PCDHGA3: variants seen among roughly 807,000 people sequenced by gnomAD.
PCDHGA3 encodes the protein protocadherin gamma-A3.
In PCDHGA3, 40 loss-of-function variants were observed where a neutral mutation model predicts 58.5. That is an observed-to-expected ratio of 0.68 (90% CI 0.53 to 0.89). The LOEUF (loss-of-function observed/expected upper bound fraction) is 0.89. Among genes scored for constraint, PCDHGA3 ranks in the 40% least tolerant of loss-of-function variants. The probability of loss-of-function intolerance (pLI) is 0.00; values close to 1 mark genes in which losing one functional copy is unlikely to be tolerated. For missense variants in PCDHGA3, 1,223 were observed against 1,195.9 expected (o/e 1.02, Z -0.33); for synonymous variants, 530 against 525.7 (o/e 1.01, Z -0.11).
chr5:141,389,211 G>A, intron 1 of PCDHGA3: 2 of 1,614,058 alleles, frequency 1.2e-6, no homozygotes, highest in South Asian at 2.2e-5. Flanking sequence ...CATTGGTGAT[G>A]TAAATGACAA....
chr5:141,482,109 C>G (rs972542276), intron 1 of PCDHGA3, among the ~76,000 whole-genome samples: 2 of 149,582 alleles, frequency 1.3e-5, no homozygotes, highest in African/African-American at 2.5e-5. Context: ...AAAAAAATAT[C>G]TAGAGATGGG....
intron 1 of PCDHGA3, among the ~76,000 whole-genome samples, chr5:141,494,034 A>T (rs1206242414): frequency 1.3e-5 from 2 of 152,162 alleles, no homozygotes; most frequent in Non-Finnish European, 2.9e-5. Flanking sequence ...CTGGAGACTT[A>T]GTTGGCCCTG....
At chr5:141,422,566 A>G (rs2096656660) in intron 1 of PCDHGA3, 1 of 1,614,020 alleles carries the variant, frequency 6.2e-7, no homozygotes, top group Non-Finnish European at 8.5e-7. Flanking sequence ...GGCAGATGAC[A>G]ACGATAACCC....
At chr5:141,357,754 G>A in intron 1 of PCDHGA3, 1 of 1,082,694 alleles carries the variant, frequency 9.2e-7, no homozygotes, top group Non-Finnish European at 1.3e-6. Context: ...AAGAAAACTG[G>A]TGGATGACCT....
chr5:141,402,098 C>G (rs2094224797), intron 1 of PCDHGA3, among the ~76,000 whole-genome samples: 1 of 152,048 alleles, frequency 6.6e-6, no homozygotes, highest in Non-Finnish European at 1.5e-5. Context: ...AAAGTTTAAG[C>G]AATTACAAAA....
chr5:141,426,909 G>A (rs1293364217), intron 1 of PCDHGA3: 1 of 456,744 alleles, frequency 2.2e-6, no homozygotes, highest in Non-Finnish European at 4.4e-6. Flanking sequence ...TCATCTCCTG[G>A]TCCTGGAAGC....
rs1230103133 is a variant in PCDHGA3, at chr5:141,357,488, C to T, written c.2424+11031C>T. ...CACGAGGTCTCCCTCACCGCGGACT[C>T]GCGGAAGAGTCACCTGATCTTCTCC... On this transcript the variant is annotated intron_variant, in intron 1 of 3. Coordinates refer to ENST00000253812, the MANE Select transcript of PCDHGA3 (RefSeq NM_018916.4). 6.8e-6 allele frequency: 11 copies of T among 1,614,100 alleles called. No individual in the cohort carries two copies. The East Asian group carries it at 2.2e-4, about 33-fold the overall frequency.
intron 1 of PCDHGA3, chr5:141,415,056 G>A (rs1367441891): frequency 1.2e-6 from 2 of 1,613,416 alleles, no homozygotes; most frequent in East Asian, 2.2e-5. Context: ...GGGAGCACAC[G>A]GGCGAGGTGC....
At chr5:141,391,974 C>T (rs2092450559) in intron 1 of PCDHGA3, 1 of 152,032 alleles carries the variant, frequency 6.6e-6, no homozygotes. Flanking sequence ...AATAAAATAG[C>T]AAAACAATGT....
chr5:141,397,992 C>T (rs1449951628), intron 1 of PCDHGA3: 3 of 1,349,734 alleles, frequency 2.2e-6, no homozygotes, highest in Non-Finnish European at 3.0e-6. Context: ...ACACCGCTTC[C>T]TCCTCGGAAA....
rs1434083091 is a variant in PCDHGA3 at position 141,450,833 on chromosome 5, T to TA, written c.2425-43974_2425-43973insA. 6.4e-3 allele frequency among the ~76,000 whole-genome samples: 943 copies of TA among 147,260 alleles called. 6 individuals carry two copies. The highest frequency in any genetic ancestry group is 0.014 in the Middle Eastern group (4 of 276). ...TTATTTAATATTATTATTATTATTT[T>TA]TTTTTTTTTGAGATGGGGTCTTGCT... is the stretch of plus-strand genomic sequence containing the variant. On this transcript the variant is annotated intron_variant, in intron 1 of 3. Coordinates refer to ENST00000253812, the MANE Select transcript of PCDHGA3 (RefSeq NM_018916.4).
intron 1 of PCDHGA3, among the ~76,000 whole-genome samples, chr5:141,463,839 T>C (rs1356261890): frequency 1.3e-5 from 2 of 152,240 alleles, no homozygotes; most frequent in African/African-American, 4.8e-5. Flanking sequence ...TTCCCAGTTG[T>C]TATAGTGGTA....
intron 1 of PCDHGA3, chr5:141,413,943 T>A: frequency 1.2e-6 from 2 of 1,613,420 alleles, no homozygotes; most frequent in Non-Finnish European, 1.7e-6. Context: ...TGAGTGTTCC[T>A]GAGAATTTGC....
intron 1 of PCDHGA3, chr5:141,362,307 G>A (rs1762432335): frequency 6.2e-7 from 1 of 1,613,910 alleles, no homozygotes; most frequent in Non-Finnish European, 8.5e-7. Flanking sequence ...CAGATGCTTG[G>A]GACTGTTTTC....
intron 2 of PCDHGA3, among the ~76,000 whole-genome samples, chr5:141,495,943 C>T (rs998665622): frequency 3.9e-5 from 6 of 152,010 alleles, no homozygotes; most frequent in African/African-American, 1.4e-4. Flanking sequence ...GTCTCTGTGC[C>T]TGTTGTCTTT....
chr5:141,449,688 T>G (rs951233495), intron 1 of PCDHGA3, among the ~76,000 whole-genome samples: 2 of 151,772 alleles, frequency 1.3e-5, no homozygotes, highest in African/African-American at 4.8e-5. Context: ...TATGTTTGTG[T>G]GTATGTACAC....
At chr5:141,423,090 G>A in intron 1 of PCDHGA3, 2 of 1,614,022 alleles carry the variant, frequency 1.2e-6, no homozygotes, top group Non-Finnish European at 1.7e-6. Flanking sequence ...TCGCGGTGGG[G>A]GAGCACACGG....
chr5:141,355,277 T>C, intron 1 of PCDHGA3: 1 of 1,613,656 alleles, frequency 6.2e-7, no homozygotes, highest in Non-Finnish European at 8.5e-7. Context: ...CTGGTGGAAA[T>C]CAGGGCCGAA....
Position 141,485,751 on chromosome 5 carries a change from A to G in PCDHGA3, c.2425-9056A>G. ...CGCAGCGACGGCAGCCTGGTCCCAG[A>G]GCTGCTCCTGGAGAAGCCTTTGGAT... is the stretch of plus-strand genomic sequence containing the variant. On this transcript the variant is annotated intron_variant, in intron 1 of 3. Coordinates refer to ENST00000253812, the MANE Select transcript of PCDHGA3 (RefSeq NM_018916.4). This position sits in a 1 kb window ranked among gnomAD's most constrained non-coding sequence, Gnocchi z 5.7. 6.2e-7 allele frequency: 1 copy of G among 1,614,166 alleles called. No individual in the cohort carries two copies. Among genetic ancestry groups the G allele is most frequent in the Non-Finnish European group, 8.5e-7 (1 of 1,179,998 alleles).
Sources: allele counts gnomAD v4.1 joint callset (sites outside exome capture counted in the v4.1 genomes callset), GRCh38; gene constraint gnomAD v4.1.1; non-coding constraint Gnocchi (gnomAD v3.1); transcripts MANE v1.5; gene names NCBI Gene and HGNC (gene_info 2026-07-23, HGNC 2026-07-21).